The following OSBPL3 variants were observed in gnomAD, a reference collection of about 807,000 sequenced individuals.
The protein encoded by OSBPL3 is oxysterol binding protein like 3.
In OSBPL3, 65 loss-of-function variants were observed where a neutral mutation model predicts 120.1. The observed-to-expected ratio is 0.54, with a 90% CI of 0.44 to 0.67. The LOEUF is 0.67. Ranked by LOEUF, OSBPL3 falls within the 30% of genes least tolerant of loss-of-function variation. The pLI is 0.00. For missense variants in OSBPL3, 1,004 were observed against 1,082.1 expected (o/e 0.93, Z 1.01); for synonymous variants, 416 against 402.6 (o/e 1.03, Z -0.40).
At chr7:24,828,072 TG>T (rs1018590588) in intron 16 of OSBPL3, among the ~76,000 whole-genome samples, 17 of 152,272 alleles carry the variant, frequency 1.1e-4, no homozygotes, top group Admixed American at 8.5e-4. Context: ...TTGCCCAGGC[TG>T]GAGTGCAGTG....
At chr7:24,950,584 C>T (rs1321728759) in intron 1 of OSBPL3, among the ~76,000 whole-genome samples, 13 of 152,028 alleles carry the variant, frequency 8.6e-5, no homozygotes, top group African/African-American at 2.9e-4. Flanking sequence ...TAGCCAGGCG[C>T]GGTGGCGGGT....
At position 24,976,060 on chromosome 7, in the gene OSBPL3, A is replaced by C. The variant is rs111465533; in HGVS notation, c.-150+3826T>G. On this transcript the variant is annotated intron_variant, in intron 1 of 22. Transcript: ENST00000313367. Reference sequence around the variant, plus strand: ...TTTAGGCTAAGGAATCTATATGCAAATAAGTAGAGAAAATAACTTGGGGAT... The same window carrying C: ...TTTAGGCTAAGGAATCTATATGCAACTAAGTAGAGAAAATAACTTGGGGAT... 2.8e-4 allele frequency among the ~76,000 whole-genome samples: 43 copies of C among 152,366 alleles called. 1 individual carries two copies. The highest frequency in any genetic ancestry group is 1.0e-3 in the African/African-American group (43 of 41,588).
chr7:24,848,235 A>G (rs1798681326), intron 12 of OSBPL3, among the ~76,000 whole-genome samples: 1 of 152,224 alleles, frequency 6.6e-6, no homozygotes, highest in African/African-American at 2.4e-5. Context: ...ACGAAACACT[A>G]TGATTAAACA....
In OSBPL3 at chr7:24,896,026, T is replaced by C. The variant is rs1447108776; in HGVS notation, c.-149-3405A>G. Among the ~76,000 whole-genome samples the C allele has an allele frequency of 1.3e-5, 2 of 152,188 alleles. No individual in the cohort carries two copies. Among genetic ancestry groups the C allele is most frequent in the Non-Finnish European group, 2.9e-5 (2 of 68,032 alleles). ...CTTTTTGCAGATTGCTGTCCCTGAG[T>C]AAATCTCTCCTGCAAGTACTTGTCA... is the stretch of plus-strand genomic sequence containing the variant. On this transcript the variant is annotated intron_variant, in intron 1 of 22. Coordinates refer to ENST00000313367, the MANE Select transcript of OSBPL3 (RefSeq NM_015550.4). The surrounding 1 kb of genome is among the most constrained non-coding windows in gnomAD (Gnocchi z 4.4).
rs1039849305 is a variant in OSBPL3 at position 24,922,400 on chromosome 7, C to T, written c.-149-29779G>A. ...ATATTCTCAACCAGGGAACAATTCC[C>T]TCTCAGGGGAATTGTATGGCTGAGT... is the stretch of plus-strand genomic sequence containing the variant. On this transcript the variant is annotated intron_variant, in intron 1 of 22. Transcript: ENST00000313367. The surrounding 1 kb of genome is among the most constrained non-coding windows in gnomAD (Gnocchi z 4.3). Among the ~76,000 whole-genome samples the T allele has an allele frequency of 8.5e-4, 130 of 152,244 alleles. No homozygotes were observed. The highest frequency in any genetic ancestry group is 2.4e-3 in the African/African-American group (98 of 41,536).
intron 16 of OSBPL3, among the ~76,000 whole-genome samples, chr7:24,828,146 TC>T (rs1414856998): frequency 6.6e-6 from 1 of 152,082 alleles, no homozygotes; most frequent in African/African-American, 2.4e-5. Flanking sequence ...TGCCTCAGCC[TC>T]CTGAGTAACT....
intron 1 of OSBPL3, among the ~76,000 whole-genome samples, chr7:24,926,250 G>A (rs555351912): frequency 6.6e-6 from 1 of 152,108 alleles, no homozygotes; most frequent in Non-Finnish European, 1.5e-5. Context: ...GTTATGCCAT[G>A]CCCCTGATCA....
chr7:24,950,708 T>C (rs975081403), intron 1 of OSBPL3, among the ~76,000 whole-genome samples: 75 of 152,070 alleles, frequency 4.9e-4, no homozygotes, highest in African/African-American at 1.7e-3. Flanking sequence ...GGCAACAGAG[T>C]GAGACTCCGT....
At chr7:24,944,964 A>AG (rs1410162729) in intron 1 of OSBPL3, among the ~76,000 whole-genome samples, 1 of 152,190 alleles carries the variant, frequency 6.6e-6, no homozygotes, top group Non-Finnish European at 1.5e-5. Context: ...TTCCATGACT[A>AG]GATTTTTCCT....
At chr7:24,928,001 T>C (rs890525174) in intron 1 of OSBPL3, among the ~76,000 whole-genome samples, 1 of 152,086 alleles carries the variant, frequency 6.6e-6, no homozygotes, top group Non-Finnish European at 1.5e-5. Flanking sequence ...GTTCTCATGA[T>C]AGTGAGTATT....
rs775781417 is a variant in OSBPL3, at chr7:24,815,714, G to C, written c.2028-511C>G. On this transcript the variant is annotated intron_variant, in intron 18 of 22. Coordinates refer to ENST00000313367, the MANE Select transcript of OSBPL3 (RefSeq NM_015550.4). The surrounding 1 kb of genome is among the most constrained non-coding windows in gnomAD (Gnocchi z 5.1). ...GATACTTACAAAACATATGCAATGT[G>C]CTAAGTACTATTTTAGGTGTTTCAT... is the stretch of plus-strand genomic sequence containing the variant. Among the ~76,000 whole-genome samples, 1 of 152,214 alleles carries C rather than the reference G, an allele frequency of 6.6e-6. No individual in the cohort carries two copies. The highest frequency in any genetic ancestry group is 2.4e-5 in the African/African-American group (1 of 41,452).
At chr7:24,885,849 CTT>C (rs55677624) in intron 2 of OSBPL3, among the ~76,000 whole-genome samples, 5,319 of 152,208 alleles carry the variant, frequency 0.035, 119 homozygotes, top group Non-Finnish European at 0.054. Context: ...CTATAGGACT[CTT>C]TTGATAAAGA....
intron 14 of OSBPL3, among the ~76,000 whole-genome samples, chr7:24,840,153 TA>T (rs1797553585): frequency 8.2e-6 from 1 of 121,936 alleles, no homozygotes; most frequent in East Asian, 3.0e-4. Flanking sequence ...TATAAAATCC[TA>T]GGGGGTGGGG....
Position 24,849,326 on chromosome 7 carries a change from T to C in OSBPL3, c.1159-150A>G. ...GCACTTTCTGGACTTTTTCCTTGAA[T>C]GCTCTCCAAGAGGATACTGGTTCTG... On this transcript the variant is annotated intron_variant, in intron 11 of 22. Transcript: ENST00000313367. This position sits in a 1 kb window ranked among gnomAD's most constrained non-coding sequence, Gnocchi z 5.4. 1.8e-6 allele frequency: 1 copy of C among 544,190 alleles called. No homozygotes were observed. Among genetic ancestry groups the C allele is most frequent in the Non-Finnish European group, 3.3e-6 (1 of 302,844 alleles). 33.7% of individuals were successfully genotyped at this position (544,190 alleles called of 1,614,324 possible).
At position 24,959,306 on chromosome 7, in the gene OSBPL3, C is replaced by T. The variant is rs1196091378; in HGVS notation, c.-150+20580G>A. ...TTCACAGCAGCACTAATCATAAAAA[C>T]CCCAAACAGAAAAAAAAACAAATGT... On this transcript the variant is annotated intron_variant, in intron 1 of 22. Transcript: ENST00000313367. This position sits in a 1 kb window ranked among gnomAD's most constrained non-coding sequence, Gnocchi z 4.3. Among the ~76,000 whole-genome samples the T allele has an allele frequency of 6.6e-6, 1 of 151,968 alleles. No homozygotes were observed. The highest frequency in any genetic ancestry group is 2.4e-5 in the African/African-American group (1 of 41,382).
chr7:24,832,369 G>C (rs910618195), intron 15 of OSBPL3, among the ~76,000 whole-genome samples: 1 of 151,834 alleles, frequency 6.6e-6, no homozygotes, highest in Non-Finnish European at 1.5e-5. Flanking sequence ...AATTAGCCGG[G>C]TGTGGTGGCG....
intron 1 of OSBPL3, among the ~76,000 whole-genome samples, chr7:24,949,971 T>C (rs978172834): frequency 5.3e-5 from 8 of 152,312 alleles, no homozygotes; most frequent in African/African-American, 1.9e-4. Flanking sequence ...CAGTCTCCAA[T>C]TTATCAATAC....
chr7:24,890,186 T>A (rs372325354), intron 2 of OSBPL3, among the ~76,000 whole-genome samples: 15 of 152,180 alleles, frequency 9.9e-5, no homozygotes, highest in East Asian at 5.8e-4. Context: ...AATTTGAAAA[T>A]GACTTTAAAC....
intron 2 of OSBPL3, among the ~76,000 whole-genome samples, chr7:24,874,389 C>T (rs1802574991): frequency 3.3e-5 from 5 of 152,212 alleles, no homozygotes. Flanking sequence ...AATAATCATA[C>T]ACATCTGCTC....
Sources: gnomAD v4.1 joint callset for allele counts (sites outside exome capture counted in the v4.1 genomes callset) on GRCh38, gnomAD v4.1.1 for gene constraint, Gnocchi (gnomAD v3.1) non-coding constraint, MANE v1.5 for transcripts, NCBI Gene and HGNC (gene_info 2026-07-23, HGNC 2026-07-21) for gene names.